The following CENPC variants were observed in gnomAD, a reference collection of about 807,000 sequenced individuals.
CENPC encodes CENP-C 1.
A neutral mutation model predicts 112.1 loss-of-function variants in CENPC; 63 were observed. That is an observed-to-expected ratio of 0.56 (90% CI 0.46 to 0.69). CENPC has a LOEUF of 0.69. Among genes scored for constraint, CENPC ranks in the 30% least tolerant of loss-of-function variants. The pLI is 0.00. For missense variants in CENPC, 1,000 were observed against 1,103.8 expected (o/e 0.91, Z 1.33); for synonymous variants, 333 against 367.6 (o/e 0.91, Z 1.08).
intron 4 of CENPC, among the ~76,000 whole-genome samples, chr4:67,534,080 T>C (rs748245056): frequency 3.9e-4 from 58 of 150,370 alleles, no homozygotes; most frequent in South Asian, 4.2e-4. Context: ...GCGTGTATAG[T>C]TGAATGTGTC....
intron 12 of CENPC, among the ~76,000 whole-genome samples, chr4:67,504,831 A>G (rs1725690370): frequency 6.6e-6 from 1 of 152,188 alleles, no homozygotes; most frequent in African/African-American, 2.4e-5. Context: ...CAAACAAAAA[A>G]AAAAAGGAAA....
At chr4:67,514,709 A>C in intron 7 of CENPC, 22 bp from the exon 8 acceptor site, 1 of 1,553,912 alleles carries the variant, frequency 6.4e-7, no homozygotes, top group Non-Finnish European at 8.7e-7. Flanking sequence ...TGATACTTTT[A>C]ACAGTTCAAA....
rs1727004298 is a variant in CENPC, at chr4:67,545,393, G to A, written c.-38C>T. The stretch of plus-strand genomic sequence containing the variant: ...CTGAGCCAGCGCAACTGTCTGAGGT[G>A]GAAGCCCACACGGACCACAGCTCCA... On this transcript the variant is annotated 5_prime_UTR_variant, in exon 1 of 19. Coordinates refer to ENST00000273853, the MANE Select transcript of CENPC (RefSeq NM_001812.4). 6.0e-6 allele frequency: 9 copies of A among 1,501,378 alleles called. No individual in the cohort carries two copies. The highest frequency in any genetic ancestry group is 7.1e-6 in the Non-Finnish European group (8 of 1,120,852). The allele number at this position is 1,501,378 out of a possible 1,614,324, so 93.0% of individuals were successfully genotyped here.
At chr4:67,484,689 T>C (rs1178131167) in intron 17 of CENPC, among the ~76,000 whole-genome samples, 2 of 152,254 alleles carry the variant, frequency 1.3e-5, no homozygotes, top group Non-Finnish European at 2.9e-5. Flanking sequence ...ATGGGGACCA[T>C]TGTAATACAG....
intron 17 of CENPC, among the ~76,000 whole-genome samples, chr4:67,489,246 T>G (rs893337506): frequency 2.7e-5 from 4 of 150,620 alleles, no homozygotes; most frequent in Non-Finnish European, 4.4e-5. Context: ...AACAGACCAA[T>G]GTTGCAGAGG....
At position 67,471,271 on chromosome 4, in the gene CENPC, A is replaced by AT. The variant is rs1724653756; in HGVS notation, c.*1333dup. ...TAACTTCACATCATATATAAGATAG[A>AT]TTCCACAATTTGAGTCCAGTCAAAA... is the stretch of plus-strand genomic sequence containing the variant. On this transcript the variant is annotated 3_prime_UTR_variant, in exon 19 of 19. Coordinates refer to ENST00000273853, the MANE Select transcript of CENPC (RefSeq NM_001812.4). The AT allele has an allele frequency of 6.6e-6, 1 of 152,262 alleles. No homozygotes were observed. The highest frequency in any genetic ancestry group is 1.5e-5 in the Non-Finnish European group (1 of 68,042). The allele number at this position is 152,262 out of a possible 1,614,324, so 9.4% of individuals were successfully genotyped here. A position where few individuals can be genotyped will look rare whatever the true frequency, so the allele number is the denominator to read the frequency against.
chr4:67,510,747 C>G (rs191713928), intron 9 of CENPC: 8 of 310,844 alleles, frequency 2.6e-5, no homozygotes, highest in Non-Finnish European at 5.0e-5. Flanking sequence ...GTCACACGTA[C>G]GACAGGCAGG....
At chr4:67,496,421 C>A (rs1011501897) in intron 12 of CENPC, among the ~76,000 whole-genome samples, 3 of 152,144 alleles carry the variant, frequency 2.0e-5, no homozygotes, top group Non-Finnish European at 4.4e-5. Context: ...TGGTTGGTTA[C>A]GCAGCAATAT....
rs1267173616 is a variant in CENPC, at chr4:67,492,908, A to ATTTATTAGG, written c.2379_2380insCCTAATAAA (p.Lys793_Ser794insProAsnLys). The ATTTATTAGG allele has an allele frequency of 6.4e-7, 1 of 1,569,458 alleles. No homozygotes were observed. Among genetic ancestry groups the ATTTATTAGG allele is most frequent in the East Asian group, 2.3e-5 (1 of 43,664 alleles). On this transcript the variant is annotated inframe_insertion, in exon 15 of 19. Coordinates refer to ENST00000273853, the MANE Select transcript of CENPC (RefSeq NM_001812.4). ...TCAAGACAGATCCTTTTCTTATTAG[A>ATTTATTAGG]TTTTTTGTTGACTTTTCCAATATTT...
At position 67,474,995 on chromosome 4, in the gene CENPC, A is replaced by T. The variant is rs1403876196; in HGVS notation, c.2671-17T>A. On this transcript the variant is annotated splice_polypyrimidine_tract_variant and intron_variant, in intron 17 of 18. Transcript: ENST00000273853. The stretch of plus-strand genomic sequence containing the variant: ...ATAAAAAACCTGTAAAAATAAAAAT[A>T]AAAATCTCATTCAAAACTGAACCAT... 8 of 1,372,520 alleles carry T rather than the reference A, an allele frequency of 5.8e-6. No homozygotes were observed. Among genetic ancestry groups the T allele is most frequent in the Non-Finnish European group, 8.0e-6 (8 of 1,000,928 alleles). 85.0% of individuals were successfully genotyped at this position (1,372,520 alleles called of 1,614,324 possible).
At chr4:67,485,902 G>A (rs1053075364) in intron 17 of CENPC, among the ~76,000 whole-genome samples, 1 of 152,078 alleles carries the variant, frequency 6.6e-6, no homozygotes, top group Admixed American at 6.5e-5. Flanking sequence ...TGGCAAAGGG[G>A]GGGAGTTTGA....
At chr4:67,486,531 A>C (rs1725098916) in intron 17 of CENPC, among the ~76,000 whole-genome samples, 1 of 152,200 alleles carries the variant, frequency 6.6e-6, no homozygotes, top group Non-Finnish European at 1.5e-5. Context: ...TAAATTTCTC[A>C]ATCAATATTA....
chr4:67,490,482 C>G (rs1725210686), intron 16 of CENPC, among the ~76,000 whole-genome samples: 1 of 151,934 alleles, frequency 6.6e-6, no homozygotes, highest in Non-Finnish European at 1.5e-5. Context: ...ACTGTTAGCA[C>G]CAGCTGAATA....
chr4:67,510,877 C>T, intron 9 of CENPC: 1 of 403,578 alleles, frequency 2.5e-6, no homozygotes, highest in South Asian at 1.8e-5. Context: ...CCAGCTTGAT[C>T]AAAAATCCAA....
At chr4:67,515,283 T>A (rs1025016066) in intron 7 of CENPC, among the ~76,000 whole-genome samples, 1 of 150,316 alleles carries the variant, frequency 6.7e-6, no homozygotes, top group African/African-American at 2.5e-5. Context: ...CTGGCCAACA[T>A]GGTGAAACCC....
At chr4:67,541,358 A>G (rs943612020) in intron 2 of CENPC, among the ~76,000 whole-genome samples, 2 of 152,210 alleles carry the variant, frequency 1.3e-5, no homozygotes, top group Non-Finnish European at 2.9e-5. Flanking sequence ...GAATGAATCC[A>G]ATCAGTCCTG....
chr4:67,543,112 C>T (rs1726933172), intron 2 of CENPC, among the ~76,000 whole-genome samples: 1 of 152,102 alleles, frequency 6.6e-6, no homozygotes, highest in Non-Finnish European at 1.5e-5. Context: ...TATCAGATAG[C>T]CCTTATTCCA....
At chr4:67,502,570 A>C (rs916104527) in intron 12 of CENPC, among the ~76,000 whole-genome samples, 1 of 152,214 alleles carries the variant, frequency 6.6e-6, no homozygotes, top group Admixed American at 6.5e-5. Flanking sequence ...TGTACATAAC[A>C]AAGACTACAG....
At chr4:67,544,343 A>C in intron 1 of CENPC, 148 bp from the exon 2 acceptor site, 1 of 595,032 alleles carries the variant, frequency 1.7e-6, no homozygotes, top group South Asian at 2.1e-5. Context: ...GTTATGACAT[A>C]ACATAGGTTA....
Sources: allele counts gnomAD v4.1 joint callset (sites outside exome capture counted in the v4.1 genomes callset), GRCh38; gene constraint gnomAD v4.1.1; transcripts MANE v1.5; gene names NCBI Gene and HGNC (gene_info 2026-07-23, HGNC 2026-07-21).